Variants in FAM210A observed in about 807,000 individuals in gnomAD.
FAM210A encodes mitochondrial inner membrane scaffold 1.
Under a neutral mutation model 25.3 loss-of-function variants are expected in FAM210A, and 13 were observed. The ratio of observed to expected loss-of-function variants is 0.51; its 90% CI spans 0.33 to 0.82. The LOEUF (loss-of-function observed/expected upper bound fraction) is 0.82. FAM210A is among the 40% of genes least tolerant of loss of function. The pLI is 0.02. For missense variants in FAM210A, 319 were observed against 323.2 expected (o/e 0.99, Z 0.10); for synonymous variants, 125 against 118.7 (o/e 1.05, Z -0.35).
At chr18:13,698,350 TC>T (rs1443542160) in intron 1 of FAM210A, among the ~76,000 whole-genome samples, 8 of 23,914 alleles carry the variant, frequency 3.3e-4, no homozygotes, top group Admixed American at 1.3e-3. Context: ...AGACTCCATC[TC>T]AAAAAAAAAA....
chr18:13,713,725 A>AACACACACACAC (rs55691136), intron 1 of FAM210A, among the ~76,000 whole-genome samples: 11,571 of 141,816 alleles, frequency 0.082, 526 homozygotes, highest in South Asian at 0.1. Flanking sequence ...GTCACTATAA[A>AACACACACACAC]ACACACACAC....
chr18:13,711,567 T>C (rs944535977), intron 1 of FAM210A, among the ~76,000 whole-genome samples: 1 of 152,216 alleles, frequency 6.6e-6, no homozygotes, highest in African/African-American at 2.4e-5. Context: ...GCATCCTACT[T>C]GTTCAAAGTC....
chr18:13,701,273 C>T (rs2043737569), intron 1 of FAM210A, among the ~76,000 whole-genome samples: 1 of 152,108 alleles, frequency 6.6e-6, no homozygotes, highest in Non-Finnish European at 1.5e-5. Flanking sequence ...TCTTGAGTTT[C>T]TCTGAGCAAA....
chr18:13,672,073 T>C, intron 2 of FAM210A, 100 bp from the exon 3 acceptor site: 1 of 847,152 alleles, frequency 1.2e-6, no homozygotes, highest in South Asian at 1.7e-5. Context: ...TTTATTAAAT[T>C]TTGCTTAAAA....
intron 2 of FAM210A, among the ~76,000 whole-genome samples, chr18:13,673,751 G>C (rs1402885139): frequency 7.2e-6 from 1 of 138,876 alleles, no homozygotes; most frequent in Non-Finnish European, 1.5e-5. Context: ...CCAGTTCCCT[G>C]ATTATTAACA....
intron 1 of FAM210A, among the ~76,000 whole-genome samples, chr18:13,708,526 T>C (rs1434847641): frequency 4.6e-5 from 7 of 152,220 alleles, no homozygotes; most frequent in African/African-American, 1.7e-4. Flanking sequence ...AGTTAGCTTA[T>C]TAGCATAACC....
chr18:13,667,709 G>T (rs1334381352), intron 3 of FAM210A, among the ~76,000 whole-genome samples: 2 of 151,014 alleles, frequency 1.3e-5, no homozygotes, highest in Non-Finnish European at 3.0e-5. Flanking sequence ...CAAGAGTGAA[G>T]CTACCTCTCA....
intron 1 of FAM210A, chr18:13,715,391 A>G (rs1355402241): frequency 6.6e-6 from 1 of 152,226 alleles, no homozygotes; most frequent in Non-Finnish European, 1.5e-5. Context: ...TTTTTAAGAT[A>G]CTTAATATAA....
At position 13,666,257 on chromosome 18, in the gene FAM210A, G is replaced by A. The variant is rs948713327; in HGVS notation, c.*223C>T. On this transcript the variant is annotated 3_prime_UTR_variant, in exon 4 of 4. Coordinates refer to ENST00000651643, the MANE Select transcript of FAM210A (RefSeq NM_152352.4). ...AAGACATTAACCACTGCTTAATACT[G>A]CTACTGATGGCAAATTCTTAAACTG... 1.9e-6 allele frequency: 1 copy of A among 522,030 alleles called. No individual in the cohort carries two copies. The highest frequency in any genetic ancestry group is 3.4e-6 in the Non-Finnish European group (1 of 290,854). 32.3% of individuals were successfully genotyped at this position (522,030 alleles called of 1,614,324 possible).
chr18:13,668,274 A>T (rs2043416579), intron 3 of FAM210A, among the ~76,000 whole-genome samples: 1 of 152,144 alleles, frequency 6.6e-6, no homozygotes, highest in Non-Finnish European at 1.5e-5. Context: ...ACCATCCCAC[A>T]CAGCTTTCAC....
At chr18:13,717,154 GA>G (rs1379893993) in intron 1 of FAM210A, among the ~76,000 whole-genome samples, 3 of 152,158 alleles carry the variant, frequency 2.0e-5, no homozygotes, top group East Asian at 1.9e-4. Flanking sequence ...CAGAATGCAG[GA>G]AATACCATCT....
At chr18:13,695,142 T>C (rs1366586914) in intron 1 of FAM210A, among the ~76,000 whole-genome samples, 1 of 152,106 alleles carries the variant, frequency 6.6e-6, no homozygotes, top group Non-Finnish European at 1.5e-5. Flanking sequence ...ATCAGAGAAA[T>C]GCAAATCAAA....
intron 1 of FAM210A, among the ~76,000 whole-genome samples, chr18:13,690,140 G>A (rs988273533): frequency 7.9e-5 from 12 of 152,218 alleles, no homozygotes; most frequent in African/African-American, 1.7e-4. Flanking sequence ...GCACCCCCAC[G>A]GAGCCTCGCT....
intron 1 of FAM210A, among the ~76,000 whole-genome samples, chr18:13,722,197 G>A (rs1322963116): frequency 6.6e-6 from 1 of 151,712 alleles, no homozygotes; most frequent in Non-Finnish European, 1.5e-5. Flanking sequence ...TACCCAATTA[G>A]GACCCCCAAG....
At chr18:13,687,292 C>A (rs543228558) in intron 1 of FAM210A, among the ~76,000 whole-genome samples, 109 of 152,256 alleles carry the variant, frequency 7.2e-4, no homozygotes, top group African/African-American at 2.5e-3. Flanking sequence ...GGCTCTTTCC[C>A]ACCCACTAGA....
At chr18:13,722,299 C>A (rs892853389) in intron 1 of FAM210A, among the ~76,000 whole-genome samples, 9 of 151,316 alleles carry the variant, frequency 5.9e-5, no homozygotes, top group Admixed American at 5.9e-4. Context: ...CCCCTGCCAT[C>A]CTAGATCCAA....
chr18:13,699,398 C>T (rs2149064529), intron 1 of FAM210A, among the ~76,000 whole-genome samples: 1 of 152,192 alleles, frequency 6.6e-6, no homozygotes, highest in Admixed American at 6.5e-5. Context: ...TTATGCCCCC[C>T]CTAGTGAATT....
chr18:13,674,991 T>C (rs2043480062), intron 2 of FAM210A, among the ~76,000 whole-genome samples: 1 of 148,926 alleles, frequency 6.7e-6, no homozygotes, highest in Non-Finnish European at 1.5e-5. Context: ...GGCTTCTTTA[T>C]TTCCTGTTTC....
At chr18:13,709,963 C>A (rs562283710) in intron 1 of FAM210A, among the ~76,000 whole-genome samples, 15 of 152,292 alleles carry the variant, frequency 9.8e-5, no homozygotes, top group African/African-American at 3.1e-4. Context: ...TTGCTGCTAG[C>A]CTTACTAGCT....
Sources: gnomAD v4.1 joint callset for allele counts (sites outside exome capture counted in the v4.1 genomes callset) on GRCh38, gnomAD v4.1.1 for gene constraint, MANE v1.5 for transcripts, NCBI Gene and HGNC (gene_info 2026-07-23, HGNC 2026-07-21) for gene names.